FA2H: variants seen among roughly 807,000 people sequenced by gnomAD.
FA2H encodes the protein fatty acid alpha-hydroxylase.
Under a neutral mutation model 44.9 loss-of-function variants are expected in FA2H, and 22 were observed. The observed-to-expected ratio is 0.49, with a 90% CI of 0.35 to 0.70. FA2H has a LOEUF of 0.70. FA2H is among the 30% of genes least tolerant of loss of function. The probability of loss-of-function intolerance (pLI) is 0.01; values close to 1 mark genes in which losing one functional copy is unlikely to be tolerated. For synonymous variants in FA2H, 243 were observed against 213.2 expected (o/e 1.14, Z -1.22); for missense variants, 501 against 504.9 (o/e 0.99, Z 0.07).
At chr16:74,767,531 T>G (rs1264894562) in intron 1 of FA2H, among the ~76,000 whole-genome samples, 4 of 152,164 alleles carry the variant, frequency 2.6e-5, no homozygotes, top group African/African-American at 9.7e-5. Flanking sequence ...GTGGGTCCAG[T>G]GTGACCCCGA....
At chr16:74,720,339 G>C (rs975351884) in intron 4 of FA2H, among the ~76,000 whole-genome samples, 9 of 151,430 alleles carry the variant, frequency 5.9e-5, no homozygotes, top group African/African-American at 2.2e-4. Flanking sequence ...GGGATTACAG[G>C]TGTGTGCCAC....
intron 1 of FA2H, among the ~76,000 whole-genome samples, chr16:74,742,347 TG>T (rs1452571990): frequency 2.0e-5 from 3 of 151,900 alleles, no homozygotes; most frequent in Non-Finnish European, 2.9e-5. Context: ...CCTGAGGGGG[TG>T]GGCCAGGACA....
At chr16:74,752,572 G>A (rs1962546432) in intron 1 of FA2H, among the ~76,000 whole-genome samples, 1 of 152,262 alleles carries the variant, frequency 6.6e-6, no homozygotes, top group South Asian at 2.1e-4. Flanking sequence ...TGCATCACTT[G>A]CTGCCACCTG....
intron 1 of FA2H, among the ~76,000 whole-genome samples, chr16:74,765,288 C>T (rs1002571281): frequency 6.6e-6 from 1 of 151,940 alleles, no homozygotes; most frequent in Non-Finnish European, 1.5e-5. Context: ...TCCCAAGTAG[C>T]TGGGATTATA....
At chr16:74,772,479 C>T (rs1962928408) in intron 1 of FA2H, among the ~76,000 whole-genome samples, 1 of 152,202 alleles carries the variant, frequency 6.6e-6, no homozygotes, top group East Asian at 1.9e-4. Flanking sequence ...TCGTTTTGTT[C>T]ATTGATATCT....
chr16:74,768,892 A>G (rs1567652250), intron 1 of FA2H, among the ~76,000 whole-genome samples: 1 of 151,960 alleles, frequency 6.6e-6, no homozygotes, highest in Admixed American at 6.6e-5. Flanking sequence ...TTACCCCAAC[A>G]CTAGTGGCTG....
chr16:74,770,229 G>A (rs371389206), intron 1 of FA2H, among the ~76,000 whole-genome samples: 22 of 152,376 alleles, frequency 1.4e-4, no homozygotes, highest in African/African-American at 4.1e-4. Context: ...GGTCCAGCAG[G>A]AGAGGAGGGA....
intron 1 of FA2H, among the ~76,000 whole-genome samples, chr16:74,773,534 G>C (rs548535697): frequency 1.8e-4 from 27 of 152,216 alleles, no homozygotes; most frequent in African/African-American, 5.5e-4. Flanking sequence ...GAGTCGCTTT[G>C]CCTCTGGCCT....
intron 1 of FA2H, among the ~76,000 whole-genome samples, chr16:74,771,348 G>A (rs1004896123): frequency 6.6e-6 from 1 of 151,554 alleles, no homozygotes; most frequent in East Asian, 1.9e-4. Context: ...GCACCACCAC[G>A]CCCAGCTAAT....
chr16:74,732,654 G>C (rs1447778497), intron 2 of FA2H, among the ~76,000 whole-genome samples: 1 of 151,894 alleles, frequency 6.6e-6, no homozygotes, highest in African/African-American at 2.4e-5. Flanking sequence ...GACCAGACTG[G>C]TCTTGAACTC....
intron 1 of FA2H, among the ~76,000 whole-genome samples, chr16:74,741,808 A>ATATATATGTGTGTG (rs1491185782): frequency 9.1e-4 from 44 of 48,390 alleles, no homozygotes; most frequent in African/African-American, 1.2e-3. Flanking sequence ...ATATATATAT[A>ATATATATGTGTGTG]TGTGTGTGTG....
chr16:74,727,828 G>A (rs532415380), intron 2 of FA2H, among the ~76,000 whole-genome samples: 1 of 152,234 alleles, frequency 6.6e-6, no homozygotes, highest in Non-Finnish European at 1.5e-5. Context: ...TGAGGTACAG[G>A]AGGTAATACA....
intron 5 of FA2H, among the ~76,000 whole-genome samples, chr16:74,718,637 G>C (rs71392613): frequency 0.078 from 11,863 of 152,304 alleles, 616 homozygotes; most frequent in Non-Finnish European, 0.12. Flanking sequence ...AAGGCTTTTT[G>C]TTGTTTTGTT....
At chr16:74,718,184 G>A (rs1961748117) in intron 5 of FA2H, among the ~76,000 whole-genome samples, 1 of 152,212 alleles carries the variant, frequency 6.6e-6, no homozygotes, top group African/African-American at 2.4e-5. Flanking sequence ...TTGCTGCTGG[G>A]AAACCAAGGT....
chr16:74,742,316 G>A lies in FA2H; in HGVS notation c.271-2201C>T, dbSNP rs1158253925. ...GTGCATCTGCCCACCCTGCCACGTG[G>A]TGGGGAAATACGGCTGTCTGCCTGA... On this transcript the variant is annotated intron_variant, in intron 1 of 6. Transcript: ENST00000219368. 3.9e-5 allele frequency among the ~76,000 whole-genome samples: 6 copies of A among 152,290 alleles called. No individual in the cohort carries two copies. In the East Asian group the frequency reaches 1.2e-3, roughly 29 times the overall value.
intron 1 of FA2H, among the ~76,000 whole-genome samples, chr16:74,764,834 G>A (rs1162823476): frequency 6.6e-6 from 1 of 152,112 alleles, no homozygotes; most frequent in Non-Finnish European, 1.5e-5. Context: ...GAGTAAACAG[G>A]ACTAGAAACC....
chr16:74,739,056 GCAGA>G (rs1962238798), intron 2 of FA2H, among the ~76,000 whole-genome samples: 1 of 152,242 alleles, frequency 6.6e-6, no homozygotes, highest in Non-Finnish European at 1.5e-5. Flanking sequence ...AGGGGGCCCA[GCAGA>G]CAGTCAGCTT....
At chr16:74,716,634 C>T in intron 5 of FA2H, 35 bp from the exon 6 acceptor site, 2 of 1,525,216 alleles carry the variant, frequency 1.3e-6, no homozygotes, top group South Asian at 2.5e-5. Flanking sequence ...CAGGAGGCAG[C>T]CAGGGGCCCC....
intron 1 of FA2H, among the ~76,000 whole-genome samples, chr16:74,762,505 C>G (rs1457425527): frequency 6.6e-6 from 1 of 152,098 alleles, no homozygotes; most frequent in Non-Finnish European, 1.5e-5. Context: ...TGTCCTATGT[C>G]TATGAAATAT....
Sources: allele counts gnomAD v4.1 joint callset (sites outside exome capture counted in the v4.1 genomes callset), GRCh38; gene constraint gnomAD v4.1.1; transcripts MANE v1.5; gene names NCBI Gene and HGNC (gene_info 2026-07-23, HGNC 2026-07-21).